PADI6: variants seen among roughly 807,000 people sequenced by gnomAD.
PADI6 encodes the protein inactive protein-arginine deiminase type-6.
In PADI6, 66 loss-of-function variants were observed where a neutral mutation model predicts 78.2. The observed-to-expected ratio is 0.84, with a 90% confidence interval of 0.69 to 1.04. The LOEUF (loss-of-function observed/expected upper bound fraction) is 1.04, where lower values mean the gene tolerates loss of function less well. Ranked by LOEUF, PADI6 falls within the 50% of genes least tolerant of loss-of-function variation. The pLI is 0.00. For missense variants in PADI6, 854 were observed against 866.1 expected (o/e 0.99, Z 0.18); for synonymous variants, 397 against 346.9 (o/e 1.14, Z -1.60).
intron 14 of PADI6, among the ~76,000 whole-genome samples, chr1:17,398,380 C>A (rs1199708437): frequency 6.6e-6 from 1 of 152,140 alleles, no homozygotes; most frequent in Non-Finnish European, 1.5e-5. Flanking sequence ...TATTTCAAGA[C>A]CTAGGGAGAT....
intron 8 of PADI6, among the ~76,000 whole-genome samples, chr1:17,390,474 C>T (rs2075171087): frequency 6.6e-6 from 1 of 151,636 alleles, no homozygotes; most frequent in Non-Finnish European, 1.5e-5. Flanking sequence ...CATGGTGGTG[C>T]ACCCCAGTAA....
At chr1:17,387,938 G>T (rs1034487213) in intron 6 of PADI6, among the ~76,000 whole-genome samples, 1 of 152,116 alleles carries the variant, frequency 6.6e-6, no homozygotes, top group Non-Finnish European at 1.5e-5. Context: ...TCCAATAAAT[G>T]GTTCTCACTG....
In PADI6 at chr1:17,392,171, C is replaced by T. The variant is rs779152121; in HGVS notation, c.1020C>T (p.Asn340=). The part of the protein sequence containing the change: ...DTVTKLSEKS[N]SQVASVYEDP... ...TGACGAAGCTGAGTGAGAAGAGCAA[C>T]AGCCAGGTGGCATCTGTCTATGAGG... Residue 340 remains asparagine (N), a synonymous_variant, in exon 9 of 16, where the codon AAC becomes AAT. Coordinates refer to ENST00000619609, the MANE Select transcript of PADI6 (RefSeq NM_207421.4). 1 of 1,561,850 alleles carries T rather than the reference C, an allele frequency of 6.4e-7. No individual in the cohort carries two copies. Among genetic ancestry groups the T allele is most frequent in the Non-Finnish European group, 8.7e-7 (1 of 1,152,842 alleles).
chr1:17,378,926 C>T (rs1196961960), intron 3 of PADI6, among the ~76,000 whole-genome samples: 1 of 142,744 alleles, frequency 7.0e-6, no homozygotes, highest in Non-Finnish European at 1.5e-5. Flanking sequence ...TTTAAAGGGG[C>T]TTAGAATTGT....
At chr1:17,377,582 G>GT (rs1484727446) in intron 3 of PADI6, among the ~76,000 whole-genome samples, 1 of 152,188 alleles carries the variant, frequency 6.6e-6, no homozygotes, top group Admixed American at 6.5e-5. Flanking sequence ...CTGAAAACCT[G>GT]TTTTTCTAGT....
rs371929503 is a variant in PADI6 at position 17,401,234 on chromosome 1, G to A, written c.1881G>A (p.Leu627=). 6.2e-7 allele frequency: 1 copy of A among 1,613,866 alleles called. No individual in the cohort carries two copies. The highest frequency in any genetic ancestry group is 1.3e-5 in the African/African-American group (1 of 74,928). The change falls in exon 16 of 16, where the codon CTG becomes CTA. Residue 627 remains leucine (L), a synonymous_variant. Coordinates refer to ENST00000619609, the MANE Select transcript of PADI6 (RefSeq NM_207421.4). ...GGATGATTGTGATGGGCAAGAACCT[G>A]GGGATCCCCAAGCCTTTTGGGCCCC... ...LLRMIVMGKN[L]GIPKPFGPQI...
At chr1:17,390,175 C>T (rs957857808) in intron 8 of PADI6, among the ~76,000 whole-genome samples, 1 of 151,336 alleles carries the variant, frequency 6.6e-6, no homozygotes, top group African/African-American at 2.4e-5. Flanking sequence ...TAGTGCATGC[C>T]TGTAGTCCCA....
chr1:17,388,248 C>T lies in PADI6; in HGVS notation c.680-133C>T, dbSNP rs186666189. ...AATGCTAGAAACGGGGATGGCTGAG[C>T]CATTTCAGCTCCAGCCCTCCTGGAA... On this transcript the variant is annotated intron_variant, in intron 6 of 15. Transcript: ENST00000619609. 32 of 800,874 alleles carry T rather than the reference C, an allele frequency of 4.0e-5. No homozygotes were observed. The East Asian group carries it at 4.9e-4, about 12-fold the overall frequency. 49.6% of individuals were successfully genotyped at this position (800,874 alleles called of 1,614,324 possible).
chr1:17,400,756 C>G (rs370886061), intron 15 of PADI6, among the ~76,000 whole-genome samples: 2 of 152,188 alleles, frequency 1.3e-5, no homozygotes, highest in African/African-American at 4.8e-5. Context: ...CCTAGGGACA[C>G]AGGCCCTGCA....
At chr1:17,398,982 TTCTC>T in intron 15 of PADI6, 135 bp downstream of exon 15, 3 of 977,188 alleles carry the variant, frequency 3.1e-6, no homozygotes, top group Non-Finnish European at 4.4e-6. Flanking sequence ...GGGAGACCCC[TTCTC>T]CCCCATCTCG....
intron 6 of PADI6, 95 bp from the exon 7 acceptor site, chr1:17,388,286 C>A: frequency 8.5e-7 from 1 of 1,180,402 alleles, no homozygotes; most frequent in Non-Finnish European, 1.2e-6. Flanking sequence ...CACAGCCTTG[C>A]ATCTGATATG....
intron 8 of PADI6, 106 bp from the exon 9 acceptor site, chr1:17,392,008 C>T: frequency 2.1e-6 from 2 of 936,000 alleles, no homozygotes; most frequent in Non-Finnish European, 3.3e-6. Flanking sequence ...GGGATGTAAC[C>T]TCTCCTGGTG....
intron 3 of PADI6, among the ~76,000 whole-genome samples, 188 bp downstream of exon 3, chr1:17,375,687 C>T (rs538516567): frequency 2.6e-5 from 4 of 152,334 alleles, no homozygotes; most frequent in African/African-American, 7.2e-5. Context: ...CCCTCCTCGA[C>T]GCTCAGTCAC....
At chr1:17,399,041 G>T (rs2100328937) in intron 15 of PADI6, among the ~76,000 whole-genome samples, 194 bp downstream of exon 15, 1 of 152,234 alleles carries the variant, frequency 6.6e-6, no homozygotes, top group South Asian at 2.1e-4. Flanking sequence ...GGGCCTGAAG[G>T]CTTGGAGGTT....
Position 17,398,810 on chromosome 1 carries a change from C to T in PADI6, c.1814C>T (p.Pro605Leu), listed in dbSNP as rs752585849. Residue 605 changes from proline (P) to leucine (L), a missense_variant, in exon 15 of 16, where the codon CCC (proline) becomes CTC (leucine). Transcript: ENST00000619609. ...KLTNIPSDQQPKRSFARPYFP... is the reference protein window; with the variant it reads ...KLTNIPSDQQLKRSFARPYFP... ...ACTAACATCCCCTCTGACCAGCAGC[C>T]CAAGAGGTCCTTTGCGAGGCCATAC... The T allele has an allele frequency of 2.5e-6, 4 of 1,613,292 alleles. No homozygotes were observed. Among genetic ancestry groups the T allele is most frequent in the Non-Finnish European group, 3.4e-6 (4 of 1,179,776 alleles).
intron 9 of PADI6, among the ~76,000 whole-genome samples, chr1:17,393,480 G>C (rs2075211888): frequency 2.0e-5 from 3 of 152,154 alleles, no homozygotes; most frequent in African/African-American, 2.4e-5. Context: ...AGCCAGTAAG[G>C]CTTGTTAATG....
At chr1:17,379,862 C>T in intron 3 of PADI6, 58 bp from the exon 4 acceptor site, 2 of 1,512,244 alleles carry the variant, frequency 1.3e-6, no homozygotes, top group Admixed American at 1.7e-5. Flanking sequence ...TAACCTATAA[C>T]TTTGAGGTTC....
At chr1:17,382,180 G>C (rs1334407629) in intron 6 of PADI6, 88 bp downstream of exon 6, 28 of 1,487,678 alleles carry the variant, frequency 1.9e-5, no homozygotes, top group Non-Finnish European at 2.6e-5. Flanking sequence ...AAGGTCCCCA[G>C]CAGAAGCCTG....
chr1:17,375,748 G>C (rs1042864302), intron 3 of PADI6, among the ~76,000 whole-genome samples: 5 of 152,124 alleles, frequency 3.3e-5, no homozygotes, highest in African/African-American at 1.2e-4. Flanking sequence ...GAAACAGCCA[G>C]AACTTCCGTG....
Sources: allele counts gnomAD v4.1 joint callset (sites outside exome capture counted in the v4.1 genomes callset), GRCh38; gene constraint gnomAD v4.1.1; transcripts MANE v1.5; gene names NCBI Gene and HGNC (gene_info 2026-07-23, HGNC 2026-07-21).